Variants in ERBB4 observed in about 807,000 individuals in gnomAD.
ERBB4 encodes the protein erb-b2 receptor tyrosine kinase 4, also known as receptor tyrosine-protein kinase erbB-4.
A neutral mutation model predicts 158.0 loss-of-function variants in ERBB4; 42 were observed. That is an observed-to-expected ratio of 0.27 (90% CI 0.21 to 0.34). The LOEUF is 0.34. Ranked by LOEUF, ERBB4 falls within the 10% of genes least tolerant of loss-of-function variation. The pLI is 1.00. For missense variants in ERBB4, 1,333 were observed against 1,624.1 expected (o/e 0.82, Z 3.08); for synonymous variants, 583 against 558.7 (o/e 1.04, Z -0.61).
At chr2:212,445,801 G>C (rs2092337635) in intron 1 of ERBB4, among the ~76,000 whole-genome samples, 2 of 152,200 alleles carry the variant, frequency 1.3e-5, no homozygotes, top group Admixed American at 1.3e-4. Flanking sequence ...ACTTGCTGAA[G>C]TCAAAGAGAA....
chr2:211,725,969 G>C (rs527374562), intron 5 of ERBB4, among the ~76,000 whole-genome samples: 1 of 152,018 alleles, frequency 6.6e-6, no homozygotes, highest in East Asian at 1.9e-4. Context: ...ATCATATCGA[G>C]GTATACTTTA....
At chr2:211,463,437 T>C (rs560250957) in intron 20 of ERBB4, among the ~76,000 whole-genome samples, 38 of 152,190 alleles carry the variant, frequency 2.5e-4, no homozygotes, top group African/African-American at 3.4e-4. Flanking sequence ...TAGATCAGCG[T>C]TGGTTTGCAG....
At position 211,788,041 on chromosome 2, in the gene ERBB4, T is replaced by A; in HGVS notation, c.540A>T (p.Thr180=). 6.2e-7 allele frequency: 1 copy of A among 1,613,664 alleles called. No individual in the cohort carries two copies. The highest frequency in any genetic ancestry group is 8.5e-7 in the Non-Finnish European group (1 of 1,179,626). The change falls in exon 4 of 28, where the codon ACA becomes ACT. Residue 180 remains threonine (T), a synonymous_variant. Transcript: ENST00000342788. ...PWPSNLTLVS[T]NGSSGCGRCH... is the part of the protein sequence containing the mutation. ...TCTACTTACATCCTGAACTACCATT[T>A]GTTGACACAAGAGTCAAGTTGGAAG...
chr2:211,389,446 T>G (rs2062756194), intron 25 of ERBB4, among the ~76,000 whole-genome samples: 1 of 152,224 alleles, frequency 6.6e-6, no homozygotes, highest in African/African-American at 2.4e-5. Flanking sequence ...CAATAACAAC[T>G]GGATAATATA....
intron 7 of ERBB4, among the ~76,000 whole-genome samples, chr2:211,716,362 CAAAAAAAAAA>C (rs534486221): frequency 2.9e-5 from 2 of 69,290 alleles, no homozygotes; most frequent in African/African-American, 8.7e-5. Context: ...AACTCTGTCT[CAAAAAAAAAA>C]AAAAAAAAAA....
intron 1 of ERBB4, among the ~76,000 whole-genome samples, chr2:212,489,252 C>A (rs77663780): frequency 2.0e-5 from 3 of 151,808 alleles, no homozygotes; most frequent in African/African-American, 7.3e-5. Context: ...TGAGAGATAT[C>A]GTATTACCAA....
At chr2:212,328,892 T>A (rs576792388) in intron 1 of ERBB4, among the ~76,000 whole-genome samples, 110 of 152,178 alleles carry the variant, frequency 7.2e-4, no homozygotes, top group Non-Finnish European at 1.4e-3. Flanking sequence ...ATTCTCTCCT[T>A]ATAAAACATT....
intron 1 of ERBB4, among the ~76,000 whole-genome samples, chr2:212,212,805 C>A (rs1207438479): frequency 6.6e-6 from 1 of 152,020 alleles, no homozygotes; most frequent in Non-Finnish European, 1.5e-5. Flanking sequence ...CTGACAAAAA[C>A]AAGCAATGGA....
chr2:212,264,772 C>T (rs2085069941), intron 1 of ERBB4, among the ~76,000 whole-genome samples: 1 of 152,064 alleles, frequency 6.6e-6, no homozygotes, highest in South Asian at 2.1e-4. Context: ...AAAAGGTTCA[C>T]ATTTAAATCT....
At chr2:211,821,073 A>C (rs1339847446) in intron 3 of ERBB4, among the ~76,000 whole-genome samples, 2 of 151,960 alleles carry the variant, frequency 1.3e-5, no homozygotes, top group African/African-American at 4.8e-5. Flanking sequence ...GACATAAATA[A>C]AGGACATCCA....
intron 16 of ERBB4, among the ~76,000 whole-genome samples, chr2:211,656,568 C>T (rs2071225921): frequency 6.6e-6 from 1 of 152,180 alleles, no homozygotes; most frequent in Admixed American, 6.5e-5. Flanking sequence ...GTACAACCAT[C>T]GCCATGATCA....
At chr2:212,509,258 G>A (rs1691369237) in intron 1 of ERBB4, among the ~76,000 whole-genome samples, 1 of 152,062 alleles carries the variant, frequency 6.6e-6, no homozygotes, top group Non-Finnish European at 1.5e-5. Flanking sequence ...ATATGTGAGA[G>A]TAAATGAGAT....
At chr2:211,651,022 A>C (rs1407654223) in intron 16 of ERBB4, among the ~76,000 whole-genome samples, 1 of 152,292 alleles carries the variant, frequency 6.6e-6, no homozygotes, top group East Asian at 1.9e-4. Context: ...CTGATGACTT[A>C]ATGAAAAGGC....
chr2:211,504,291 A>G (rs2065690270), intron 20 of ERBB4, among the ~76,000 whole-genome samples: 1 of 152,096 alleles, frequency 6.6e-6, no homozygotes, highest in African/African-American at 2.4e-5. Flanking sequence ...CACCACTACT[A>G]AAACCTACAA....
At chr2:211,817,138 CG>C (rs1359382710) in intron 3 of ERBB4, among the ~76,000 whole-genome samples, 1 of 152,130 alleles carries the variant, frequency 6.6e-6, no homozygotes, top group Non-Finnish European at 1.5e-5. Context: ...CAAACAGTCA[CG>C]GGGGGATTTT....
intron 15 of ERBB4, among the ~76,000 whole-genome samples, chr2:211,660,351 T>C (rs2105906212): frequency 6.6e-6 from 1 of 152,280 alleles, no homozygotes; most frequent in East Asian, 1.9e-4. Context: ...ATGGTAACTG[T>C]GTTGGAGGCA....
chr2:212,368,878 G>C (rs772834671), intron 1 of ERBB4, among the ~76,000 whole-genome samples: 2 of 152,076 alleles, frequency 1.3e-5, no homozygotes, highest in Non-Finnish European at 2.9e-5. Context: ...TAATAGCACC[G>C]TAGGTCCCTA....
At chr2:212,421,462 T>C (rs2091790844) in intron 1 of ERBB4, among the ~76,000 whole-genome samples, 1 of 152,304 alleles carries the variant, frequency 6.6e-6, no homozygotes, top group East Asian at 1.9e-4. Flanking sequence ...TTATGTCATC[T>C]AGTCTTGTTT....
At chr2:211,715,945 ATAT>A (rs1427642097) in intron 7 of ERBB4, among the ~76,000 whole-genome samples, 1 of 152,224 alleles carries the variant, frequency 6.6e-6, no homozygotes. Context: ...GAATAAACAA[ATAT>A]TATAATTAGT....
Sources: allele counts gnomAD v4.1 joint callset (sites outside exome capture counted in the v4.1 genomes callset), GRCh38; gene constraint gnomAD v4.1.1; transcripts MANE v1.5; gene names NCBI Gene and HGNC (gene_info 2026-07-23, HGNC 2026-07-21).